The following UGT1A3 variants were observed in gnomAD, a reference collection of about 807,000 sequenced individuals.
UGT1A3 encodes UDP-glucuronosyltransferase 1A3.
In UGT1A3, 31 loss-of-function variants were observed where a neutral mutation model predicts 41.0. That is an observed-to-expected ratio of 0.76 (90% CI 0.57 to 1.02). The LOEUF (loss-of-function observed/expected upper bound fraction) is 1.02. UGT1A3 is among the 50% of genes least tolerant of loss of function. The probability of loss-of-function intolerance (pLI) is 0.00; values close to 1 mark genes in which losing one functional copy is unlikely to be tolerated. For missense variants in UGT1A3, 737 were observed against 671.0 expected (o/e 1.10, Z -1.09); for synonymous variants, 262 against 257.6 (o/e 1.02, Z -0.17).
intron 1 of UGT1A3, among the ~76,000 whole-genome samples, chr2:233,762,012 G>T (rs1697937713): frequency 6.6e-6 from 1 of 152,134 alleles, no homozygotes; most frequent in Non-Finnish European, 1.5e-5. Context: ...CCTCCAATGT[G>T]ATTTGTATTT....
intron 1 of UGT1A3, among the ~76,000 whole-genome samples, chr2:233,748,826 G>A (rs1470872637): frequency 1.3e-5 from 2 of 151,398 alleles, no homozygotes; most frequent in African/African-American, 4.9e-5. Context: ...AGGGTCTAGG[G>A]AGGAGATAAA....
chr2:233,729,648 G>A lies in UGT1A3; in HGVS notation c.522G>A (p.Arg174=), dbSNP rs777442066. 3.1e-6 allele frequency: 5 copies of A among 1,613,800 alleles called. No homozygotes were observed. In the South Asian group the frequency reaches 5.5e-5, roughly 18 times the overall value. The change falls in exon 1 of 5, where the codon AGG becomes AGA. Residue 174 remains arginine, a synonymous_variant. Coordinates refer to ENST00000482026, the MANE Select transcript of UGT1A3 (RefSeq NM_019093.4). ...YLSIPTVFFL[R]NIPCDLDFKG... is the part of the protein sequence containing the mutation. ...CGATTCCTACTGTGTTTTTTTTGAG[G>A]AACATTCCATGTGATTTAGACTTTA... is the stretch of plus-strand genomic sequence containing the variant.
chr2:233,758,139 G>T (rs553073565), intron 1 of UGT1A3, among the ~76,000 whole-genome samples: 1 of 152,336 alleles, frequency 6.6e-6, no homozygotes, highest in East Asian at 1.9e-4. Flanking sequence ...TGGCAGATGA[G>T]GGAATTAGCA....
intron 1 of UGT1A3, chr2:233,753,565 G>GGACC (rs1470283120): frequency 1.3e-5 from 2 of 152,156 alleles, no homozygotes; most frequent in African/African-American, 4.8e-5. Flanking sequence ...CTAGAAGATG[G>GGACC]GACCCTTTGT....
At chr2:233,754,372 G>A (rs994818909) in intron 1 of UGT1A3, 3 of 279,470 alleles carry the variant, frequency 1.1e-5, no homozygotes, top group East Asian at 9.0e-5. Flanking sequence ...TACAATGATC[G>A]AAAGACAAAC....
intron 1 of UGT1A3, chr2:233,740,779 T>C (rs1209368922): frequency 1.3e-5 from 2 of 151,852 alleles, no homozygotes; most frequent in African/African-American, 4.9e-5. Flanking sequence ...GTATAAAAGA[T>C]GAATACCCAC....
chr2:233,749,297 T>C (rs761343175), intron 1 of UGT1A3, among the ~76,000 whole-genome samples: 35 of 151,972 alleles, frequency 2.3e-4, no homozygotes, highest in Non-Finnish European at 4.0e-4. Flanking sequence ...TATTCAATTA[T>C]AAAATATGTG....
chr2:233,760,886 AT>A (rs763109127), intron 1 of UGT1A3: 1 of 1,613,934 alleles, frequency 6.2e-7, no homozygotes, highest in East Asian at 2.2e-5. Context: ...CTCTCCTCTC[AT>A]TCAGATCACA....
At chr2:233,757,560 A>ATATATATATATATATATATG (rs904896556) in intron 1 of UGT1A3, among the ~76,000 whole-genome samples, 15 of 123,136 alleles carry the variant, frequency 1.2e-4, no homozygotes, top group African/African-American at 5.1e-4. Context: ...ATATATATAT[A>ATATATATATATATATATATG]TGTATATATG....
chr2:233,733,864 A>G (rs1575602891), intron 1 of UGT1A3, among the ~76,000 whole-genome samples: 1 of 151,900 alleles, frequency 6.6e-6, no homozygotes, highest in African/African-American at 2.4e-5. Context: ...TGATTGGAAT[A>G]GTTTCAGAAG....
chr2:233,730,024 T>A (rs1022627544), intron 1 of UGT1A3, 31 bp downstream of exon 1: 1 of 1,613,646 alleles, frequency 6.2e-7, no homozygotes, highest in Non-Finnish European at 8.5e-7. Flanking sequence ...CCAATCAATG[T>A]TCCAGGCAAA....
intron 1 of UGT1A3, among the ~76,000 whole-genome samples, chr2:233,759,283 A>C (rs562983605): frequency 1.3e-5 from 2 of 152,282 alleles, no homozygotes; most frequent in East Asian, 3.9e-4. Flanking sequence ...TGATTGGTTG[A>C]TGAAGCTGAG....
At chr2:233,753,409 C>A (rs1226930464) in intron 1 of UGT1A3, 1 of 152,194 alleles carries the variant, frequency 6.6e-6, no homozygotes, top group African/African-American at 2.4e-5. Flanking sequence ...CATATCCAAA[C>A]CCATTGTCAC....
At chr2:233,751,208 T>G (rs767963579) in intron 1 of UGT1A3, among the ~76,000 whole-genome samples, 3 of 151,940 alleles carry the variant, frequency 2.0e-5, no homozygotes, top group Non-Finnish European at 4.4e-5. Flanking sequence ...TTTTGGAGCT[T>G]TAAGATTTAA....
intron 1 of UGT1A3, chr2:233,747,278 C>T (rs925407656): frequency 6.3e-6 from 10 of 1,599,168 alleles, no homozygotes; most frequent in Non-Finnish European, 8.5e-6. Flanking sequence ...CTTCTCAGTG[C>T]CCAGCCCTGG....
chr2:233,740,789 C>T (rs1289641482), intron 1 of UGT1A3: 2 of 151,852 alleles, frequency 1.3e-5, no homozygotes, highest in Non-Finnish European at 2.9e-5. Context: ...TGAATACCCA[C>T]ATAACAGGCT....
chr2:233,766,884 A>G, intron 1 of UGT1A3, 150 bp from the exon 2 acceptor site: 2 of 1,457,402 alleles, frequency 1.4e-6, no homozygotes, highest in Non-Finnish European at 1.8e-6. Context: ...ATGCTGTAAA[A>G]CTTACATATT....
intron 1 of UGT1A3, among the ~76,000 whole-genome samples, chr2:233,730,279 A>G (rs1016900889): frequency 6.6e-6 from 1 of 152,176 alleles, no homozygotes; most frequent in Non-Finnish European, 1.5e-5. Flanking sequence ...TAAAGGCACC[A>G]TCTTCATGGT....
intron 1 of UGT1A3, among the ~76,000 whole-genome samples, chr2:233,730,329 G>A (rs1170762971): frequency 1.3e-5 from 2 of 152,172 alleles, no homozygotes; most frequent in Non-Finnish European, 2.9e-5. Context: ...GGGACACTAC[G>A]TTTGGAACTG....
Sources: gnomAD v4.1 joint callset for allele counts (sites outside exome capture counted in the v4.1 genomes callset) on GRCh38, gnomAD v4.1.1 for gene constraint, MANE v1.5 for transcripts, NCBI Gene and HGNC (gene_info 2026-07-23, HGNC 2026-07-21) for gene names.